RDH8: variants seen among roughly 807,000 people sequenced by gnomAD.
RDH8 encodes retinol dehydrogenase 8.
Under a neutral mutation model 22.3 loss-of-function variants are expected in RDH8, and 14 were observed. The observed-to-expected ratio is 0.63, with a 90% CI of 0.42 to 0.98. The LOEUF (loss-of-function observed/expected upper bound fraction) is 0.98. Among genes scored for constraint, RDH8 ranks in the 50% least tolerant of loss-of-function variants. The probability of loss-of-function intolerance (pLI) is 0.00; values close to 1 mark genes in which losing one functional copy is unlikely to be tolerated. For synonymous variants in RDH8, 175 were observed against 171.7 expected (o/e 1.02, Z -0.15); for missense variants, 389 against 409.8 (o/e 0.95, Z 0.44).
chr19:10,021,469 G>T lies in RDH8; in HGVS notation c.720+31G>T, dbSNP rs374735812. On this transcript the variant is annotated intron_variant, in intron 5 of 5. Coordinates refer to ENST00000591589, the MANE Select transcript of RDH8 (RefSeq NM_015725.4). The stretch of plus-strand genomic sequence containing the variant: ...TGAAGGGCCCAGAGCCCCAAGACGT[G>T]GCTCAGGTATGTTGCGGGGTGAGGC... 1.4e-5 allele frequency: 23 copies of T among 1,613,968 alleles called. No homozygotes were observed. The African/African-American group carries it at 2.7e-4, about 19-fold the overall frequency.
chr19:10,021,311 C>T lies in RDH8; in HGVS notation c.593C>T (p.Ala198Val), dbSNP rs754093769. 6.8e-6 allele frequency: 11 copies of T among 1,613,936 alleles called. No homozygotes were observed. Among genetic ancestry groups the T allele is most frequent in the East Asian group, 2.2e-5 (1 of 44,888 alleles). The change falls in exon 5 of 6, where the codon GCG becomes GTG. Residue 198 changes from alanine to valine, a missense_variant. Coordinates refer to ENST00000591589, the MANE Select transcript of RDH8 (RefSeq NM_015725.4). ...VVTEFEGKLL[A>V]QVSMAEFPGT... Reference sequence around the variant, plus strand: ...ACCGAGTTTGAGGGGAAGCTTCTGGCGCAGGTTTCTATGGCTGAGTTCCCA... The same window carrying T: ...ACCGAGTTTGAGGGGAAGCTTCTGGTGCAGGTTTCTATGGCTGAGTTCCCA...
At chr19:10,020,340 A>AGGGG (rs2087647923) in intron 3 of RDH8, among the ~76,000 whole-genome samples, 1 of 38,574 alleles carries the variant, frequency 2.6e-5, no homozygotes, top group South Asian at 1.5e-3. Context: ...GAAGGAAGGA[A>AGGGG]GGAGGGAGGG....
rs1454337161 is a variant in RDH8, at chr19:10,020,793, T to A, written c.527T>A (p.Phe176Tyr). The A allele has an allele frequency of 6.2e-7, 1 of 1,608,094 alleles. No individual in the cohort carries two copies. The highest frequency in any genetic ancestry group is 2.2e-5 in the East Asian group (1 of 44,878). Residue 176 changes from phenylalanine (F) to tyrosine (Y), a missense_variant, in exon 4 of 6, where the codon TTC (phenylalanine) becomes TAC (tyrosine). Physicochemically the swap from Phe to Tyr is conservative, Grantham distance 22. Transcript: ENST00000591589. ...FESLAIQLLQ[F>Y]NIFISLVEPG... ...AGCCTCGCTATCCAGCTGCTGCAGT[T>A]CAACATCTTGTGAGGCGGGCACGTG...
At chr19:10,019,644 C>CA (rs1421854540) in intron 3 of RDH8, among the ~76,000 whole-genome samples, 3 of 151,868 alleles carry the variant, frequency 2.0e-5, no homozygotes, top group Admixed American at 2.0e-4. Context: ...ACTAAAAATA[C>CA]AAAAAAATTA....
chr19:10,022,107 G>T lies in RDH8; in HGVS notation c.*358G>T. ...TCAACCTCGTGACTTCATGATCCTGGGCCTGAGAACACAGGAATGATTCAT... is the reference window on the plus strand; with the variant it reads ...TCAACCTCGTGACTTCATGATCCTGTGCCTGAGAACACAGGAATGATTCAT... On this transcript the variant is annotated 3_prime_UTR_variant, in exon 6 of 6. Coordinates refer to ENST00000591589, the MANE Select transcript of RDH8 (RefSeq NM_015725.4). The T allele has an allele frequency of 3.7e-6, 1 of 270,500 alleles. No homozygotes were observed. Among genetic ancestry groups the T allele is most frequent in the Non-Finnish European group, 7.1e-6 (1 of 140,986 alleles). 16.8% of individuals were successfully genotyped at this position (270,500 alleles called of 1,614,324 possible).
chr19:10,014,664 G>A (rs1046133215), intron 1 of RDH8, among the ~76,000 whole-genome samples: 2 of 151,932 alleles, frequency 1.3e-5, no homozygotes, highest in African/African-American at 2.4e-5. Flanking sequence ...TTGACCTCCC[G>A]AGTTTCTGGG....
At position 10,021,306 on chromosome 19, in the gene RDH8, T is replaced by G. The variant is rs1346454681; in HGVS notation, c.588T>G (p.Leu196=). Residue 196 remains leucine, a synonymous_variant, in exon 5 of 6, where the codon CTT becomes CTG. Transcript: ENST00000591589. ...TGGTCACCGAGTTTGAGGGGAAGCT[T>G]CTGGCGCAGGTTTCTATGGCTGAGT... ...GPVVTEFEGK[L]LAQVSMAEFP... is the part of the protein sequence containing the mutation. 2 of 1,614,010 alleles carry G rather than the reference T, an allele frequency of 1.2e-6. No individual in the cohort carries two copies. Among genetic ancestry groups the G allele is most frequent in the East Asian group, 4.5e-5 (2 of 44,874 alleles).
At chr19:10,021,184 A>T in intron 4 of RDH8, 71 bp from the exon 5 acceptor site, 1 of 1,492,958 alleles carries the variant, frequency 6.7e-7, no homozygotes, top group Non-Finnish European at 9.1e-7. Flanking sequence ...TTAAAAAAAA[A>T]AAAAAATGGA....
At position 10,017,232 on chromosome 19, in the gene RDH8, C is replaced by T; in HGVS notation, c.262+17C>T. 2.6e-6 allele frequency: 4 copies of T among 1,563,658 alleles called. No individual in the cohort carries two copies. The highest frequency in any genetic ancestry group is 1.2e-5 in the South Asian group (1 of 83,476). On this transcript the variant is annotated intron_variant, in intron 2 of 5. Coordinates refer to ENST00000591589, the MANE Select transcript of RDH8 (RefSeq NM_015725.4). ...ACGTGCTGGGTGAGACTTCACAGCC[C>T]CTGATTCACTAAGCCCCATCCTGGT...
chr19:10,020,238 G>C (rs2087646908), intron 3 of RDH8, among the ~76,000 whole-genome samples: 1 of 151,628 alleles, frequency 6.6e-6, no homozygotes, highest in African/African-American at 2.4e-5. Flanking sequence ...GGAGTTCAAG[G>C]CTGCAGTGAG....
chr19:10,013,569 A>T lies in RDH8; in HGVS notation c.72A>T (p.Gln24His). The T allele has an allele frequency of 6.2e-7, 1 of 1,613,968 alleles. No homozygotes were observed. The highest frequency in any genetic ancestry group is 1.1e-5 in the South Asian group (1 of 91,074). ...GAATTGGTCTGGAACTTGCAGTGCAACTGGCCCATGACCCCAAGAAGCGCT... is the reference window on the plus strand; with the variant it reads ...GAATTGGTCTGGAACTTGCAGTGCATCTGGCCCATGACCCCAAGAAGCGCT... ...SSGIGLELAV[Q>H]LAHDPKKRYQ... The change falls in exon 1 of 6, where the codon CAA becomes CAT. Residue 24 changes from glutamine to histidine, a missense_variant. Gln to His is a conservative substitution (Grantham distance 24). Transcript: ENST00000591589.
At chr19:10,019,970 G>A (rs1484483579) in intron 3 of RDH8, among the ~76,000 whole-genome samples, 2 of 151,284 alleles carry the variant, frequency 1.3e-5, no homozygotes, top group Non-Finnish European at 2.9e-5. Flanking sequence ...GTGAAACTCC[G>A]TCTCTAGTAA....
At chr19:10,019,682 T>A (rs572949377) in intron 3 of RDH8, among the ~76,000 whole-genome samples, 45 of 152,178 alleles carry the variant, frequency 3.0e-4, no homozygotes, top group African/African-American at 1.1e-3. Flanking sequence ...ACACCTGTAG[T>A]CCCAGCTACT....
chr19:10,014,919 G>A (rs962963511), intron 1 of RDH8, among the ~76,000 whole-genome samples: 9 of 152,164 alleles, frequency 5.9e-5, no homozygotes, highest in Non-Finnish European at 1.2e-4. Flanking sequence ...AAGTAGCAGA[G>A]CTGGGATTTG....
intron 3 of RDH8, among the ~76,000 whole-genome samples, chr19:10,019,788 C>G (rs913601938): frequency 1.3e-5 from 2 of 150,974 alleles, no homozygotes; most frequent in East Asian, 3.9e-4. Flanking sequence ...GCAACAAGAG[C>G]AAGACTCTGT....
intron 4 of RDH8, 68 bp from the exon 5 acceptor site, chr19:10,021,187 A>T (rs1160408030): frequency 6.7e-7 from 1 of 1,502,026 alleles, no homozygotes; most frequent in Non-Finnish European, 9.0e-7. Flanking sequence ...AAAAAAAAAA[A>T]AAATGGACAA....
chr19:10,017,261 A>C (rs1231059312), intron 2 of RDH8, 46 bp downstream of exon 2: 2 of 1,484,388 alleles, frequency 1.3e-6, no homozygotes, highest in South Asian at 2.8e-5. Context: ...TCCTGGTCTG[A>C]GTATAGACCC....
chr19:10,015,684 T>C (rs956804009), intron 1 of RDH8, among the ~76,000 whole-genome samples: 2 of 151,136 alleles, frequency 1.3e-5, no homozygotes, highest in Non-Finnish European at 2.9e-5. Flanking sequence ...CTCTGGCTCC[T>C]CACGCCTGTA....
intron 3 of RDH8, among the ~76,000 whole-genome samples, chr19:10,020,502 G>A (rs1217969701): frequency 1.3e-5 from 2 of 151,902 alleles, no homozygotes; most frequent in African/African-American, 4.8e-5. Flanking sequence ...GGGAGGAGGT[G>A]GCACCCGGCA....
Sources: allele counts gnomAD v4.1 joint callset (sites outside exome capture counted in the v4.1 genomes callset), GRCh38; gene constraint gnomAD v4.1.1; transcripts MANE v1.5; gene names NCBI Gene and HGNC (gene_info 2026-07-23, HGNC 2026-07-21).